OCA2: variants seen among roughly 807,000 people sequenced by gnomAD.
OCA2 encodes the protein P protein.
In OCA2, 77 loss-of-function variants were observed where a neutral mutation model predicts 100.2. The observed-to-expected ratio is 0.77, with a 90% CI of 0.64 to 0.93. The LOEUF is 0.93. Ranked by LOEUF, OCA2 falls within the 40% of genes least tolerant of loss-of-function variation. The pLI is 0.00. For missense variants in OCA2, 1,062 were observed against 1,089.1 expected, an observed-to-expected ratio of 0.98 and a Z score of 0.35; for synonymous variants, 432 against 439.2, an observed-to-expected ratio of 0.98 and a Z score of 0.21.
intron 19 of OCA2, among the ~76,000 whole-genome samples, chr15:27,918,887 C>T (rs1330110031): frequency 6.6e-6 from 1 of 152,098 alleles, no homozygotes; most frequent in Non-Finnish European, 1.5e-5. Context: ...AGAGACTTTC[C>T]CAGTGTCAAG....
intron 2 of OCA2, among the ~76,000 whole-genome samples, chr15:28,041,063 T>C (rs937756713): frequency 1.3e-5 from 2 of 152,062 alleles, no homozygotes; most frequent in East Asian, 3.9e-4. Flanking sequence ...AAAAGAAAAC[T>C]ACAAACCGAT....
chr15:28,016,095 AG>A lies in OCA2; in HGVS notation c.890+8del. On this transcript the variant is annotated splice_region_variant and intron_variant, in intron 8 of 23. Coordinates refer to ENST00000354638, the MANE Select transcript of OCA2 (RefSeq NM_000275.3). ...GCCTGCCCCAACACCTCACTCACTG[AG>A]AACTCACCTGGTCAGTACCTCAAAG... 2.5e-6 allele frequency: 4 copies of A among 1,612,428 alleles called. No individual in the cohort carries two copies. The highest frequency in any genetic ancestry group is 3.4e-6 in the Non-Finnish European group (4 of 1,178,464).
chr15:28,093,843 G>A (rs2044916478), intron 1 of OCA2, among the ~76,000 whole-genome samples: 1 of 152,166 alleles, frequency 6.6e-6, no homozygotes, highest in African/African-American at 2.4e-5. Context: ...AGTTCCAACA[G>A]ACTATTTACT....
chr15:27,856,966 G>A (rs2035971218), intron 21 of OCA2, among the ~76,000 whole-genome samples: 1 of 152,116 alleles, frequency 6.6e-6, no homozygotes, highest in Non-Finnish European at 1.5e-5. Flanking sequence ...TCTTAACAAA[G>A]AAGATTACAC....
In OCA2 at chr15:28,022,679, G is replaced by A. The variant is rs1408469630; in HGVS notation, c.574-106C>T. 9 of 793,142 alleles carry A rather than the reference G, an allele frequency of 1.1e-5. No homozygotes were observed. The East Asian group carries it at 2.2e-4, about 20-fold the overall frequency. The allele number at this position is 793,142 out of a possible 1,614,324, so 49.1% of individuals were successfully genotyped here. A position where few individuals can be genotyped will look rare whatever the true frequency, so the allele number is the denominator to read the frequency against. On this transcript the variant is annotated intron_variant, in intron 5 of 23. Coordinates refer to ENST00000354638, the MANE Select transcript of OCA2 (RefSeq NM_000275.3). ...ACAGATGTGATGATGGGGCTACTGT[G>A]TGCATCCAGTACGCGCCAGCTTACT... is the stretch of plus-strand genomic sequence containing the variant.
intron 19 of OCA2, among the ~76,000 whole-genome samples, chr15:27,909,105 C>CA (rs1455344056): frequency 5.3e-5 from 8 of 152,056 alleles, no homozygotes; most frequent in Admixed American, 3.3e-4. Context: ...TCTATATACA[C>CA]AAAAAAATAA....
At chr15:27,904,654 C>T (rs953357083) in intron 19 of OCA2, among the ~76,000 whole-genome samples, 16 of 152,244 alleles carry the variant, frequency 1.1e-4, no homozygotes, top group Middle Eastern at 3.4e-3. Flanking sequence ...AGTCTATCCT[C>T]CCCAACTCCT....
At chr15:27,825,094 G>T (rs531053374) in intron 23 of OCA2, among the ~76,000 whole-genome samples, 2 of 152,158 alleles carry the variant, frequency 1.3e-5, no homozygotes, top group Non-Finnish European at 2.9e-5. Flanking sequence ...TATCACATTA[G>T]ACACAATTAA....
chr15:28,009,899 A>C (rs1314769031), intron 9 of OCA2, among the ~76,000 whole-genome samples: 2 of 152,224 alleles, frequency 1.3e-5, no homozygotes, highest in Non-Finnish European at 2.9e-5. Flanking sequence ...GAAATGTAAG[A>C]ATTAGAGAGA....
chr15:28,045,442 G>A (rs530821316), intron 2 of OCA2, among the ~76,000 whole-genome samples: 2 of 152,132 alleles, frequency 1.3e-5, no homozygotes, highest in African/African-American at 2.4e-5. Flanking sequence ...GATATGAGAC[G>A]CACACTTCAT....
intron 23 of OCA2, among the ~76,000 whole-genome samples, chr15:27,810,659 A>T (rs990533450): frequency 1.3e-5 from 2 of 152,198 alleles, no homozygotes; most frequent in Non-Finnish European, 2.9e-5. Flanking sequence ...TCCATAGGGA[A>T]AAAACAAATC....
chr15:27,741,077 G>A, the OCA2 span, among the ~76,000 whole-genome samples: 1 of 152,200 alleles, frequency 6.6e-6, no homozygotes, highest in Non-Finnish European at 1.5e-5. Flanking sequence ...ACATCCTTGT[G>A]TACAGCACAG....
chr15:28,019,599 T>C (rs1237151689), intron 6 of OCA2, among the ~76,000 whole-genome samples: 1 of 152,042 alleles, frequency 6.6e-6, no homozygotes, highest in Non-Finnish European at 1.5e-5. Flanking sequence ...AGTGGTGCTT[T>C]CTCCAGAAGC....
At chr15:27,730,757 A>T in the OCA2 span, among the ~76,000 whole-genome samples, 1 of 107,594 alleles carries the variant, frequency 9.3e-6, no homozygotes, top group African/African-American at 7.4e-5. Flanking sequence ...ATATATATAT[A>T]TATATATATA....
chr15:27,768,287 C>G (rs1185127885), intron 23 of OCA2, among the ~76,000 whole-genome samples: 3 of 152,204 alleles, frequency 2.0e-5, no homozygotes, highest in Non-Finnish European at 4.4e-5. Flanking sequence ...AGAAATATAG[C>G]TTTGAGCAGT....
At chr15:28,009,684 T>TCACTCA (rs1555373594) in intron 9 of OCA2, among the ~76,000 whole-genome samples, 6 of 138,008 alleles carry the variant, frequency 4.3e-5, no homozygotes, top group Non-Finnish European at 7.8e-5. Context: ...CGAGATTCTG[T>TCACTCA]CACACACACA....
At chr15:28,080,888 G>A (rs1467320198) in intron 2 of OCA2, among the ~76,000 whole-genome samples, 1 of 152,200 alleles carries the variant, frequency 6.6e-6, no homozygotes, top group Non-Finnish European at 1.5e-5. Context: ...CTTTACATAA[G>A]TAAATATTTA....
At chr15:27,892,380 A>G (rs1450853489) in intron 19 of OCA2, among the ~76,000 whole-genome samples, 2 of 152,174 alleles carry the variant, frequency 1.3e-5, no homozygotes, top group African/African-American at 4.8e-5. Context: ...ACTATAATGG[A>G]ATAAAGTTAG....
At chr15:27,775,738 CT>C (rs1236787112) in intron 23 of OCA2, 1 of 152,350 alleles carries the variant, frequency 6.6e-6, no homozygotes, top group Non-Finnish European at 1.5e-5. Flanking sequence ...CTGGTTTCCC[CT>C]GAGGCCTCGT....
Sources: gnomAD v4.1 joint callset for allele counts (sites outside exome capture counted in the v4.1 genomes callset) on GRCh38, gnomAD v4.1.1 for gene constraint, MANE v1.5 for transcripts, NCBI Gene and HGNC (gene_info 2026-07-23, HGNC 2026-07-21) for gene names.